KIAA1328: variants seen among roughly 807,000 people sequenced by gnomAD.
The protein encoded by KIAA1328 is KIAA1328.
In KIAA1328, 52 loss-of-function variants were observed where a neutral mutation model predicts 68.1. The ratio of observed to expected loss-of-function variants is 0.76; its 90% CI spans 0.61 to 0.96. The LOEUF is 0.96. KIAA1328 is among the 40% of genes least tolerant of loss of function. The probability of loss-of-function intolerance (pLI) is 0.00; values close to 1 mark genes in which losing one functional copy is unlikely to be tolerated. For missense variants in KIAA1328, 641 were observed against 677.6 expected (o/e 0.95, Z 0.60); for synonymous variants, 232 against 239.4 (o/e 0.97, Z 0.28).
intron 7 of KIAA1328, among the ~76,000 whole-genome samples, chr18:37,070,050 T>G (rs1387474975): frequency 6.6e-6 from 1 of 152,180 alleles, no homozygotes; most frequent in East Asian, 1.9e-4. Flanking sequence ...AGTGTGTTTT[T>G]GGGGTATCTT....
chr18:36,976,559 T>C (rs750954744), intron 6 of KIAA1328, among the ~76,000 whole-genome samples: 2 of 152,032 alleles, frequency 1.3e-5, no homozygotes, highest in East Asian at 3.9e-4. Context: ...ATGATAGATA[T>C]GTAGAGAGAA....
intron 7 of KIAA1328, among the ~76,000 whole-genome samples, chr18:37,131,280 C>T (rs1175448635): frequency 6.6e-6 from 1 of 152,188 alleles, no homozygotes; most frequent in Non-Finnish European, 1.5e-5. Context: ...TTTAGGGCCA[C>T]TGGAGATTCA....
intron 5 of KIAA1328, among the ~76,000 whole-genome samples, chr18:36,950,750 T>A (rs1308319062): frequency 6.6e-6 from 1 of 152,312 alleles, no homozygotes; most frequent in African/African-American, 2.4e-5. Flanking sequence ...GTGAAAATAT[T>A]TGGGTTCAGT....
intron 7 of KIAA1328, among the ~76,000 whole-genome samples, chr18:37,150,810 A>G (rs1358492455): frequency 6.6e-6 from 1 of 152,196 alleles, no homozygotes; most frequent in Non-Finnish European, 1.5e-5. Flanking sequence ...GTGCTTATTC[A>G]TTATAGGAAG....
At chr18:37,128,186 A>AG (rs1265692611) in intron 7 of KIAA1328, among the ~76,000 whole-genome samples, 1 of 152,214 alleles carries the variant, frequency 6.6e-6, no homozygotes, top group Non-Finnish European at 1.5e-5. Context: ...ATCACAACTT[A>AG]GGCTGGGCAT....
intron 9 of KIAA1328, 52 bp downstream of exon 9, chr18:37,173,133 T>C: frequency 7.5e-7 from 1 of 1,329,130 alleles, no homozygotes; most frequent in Non-Finnish European, 1.1e-6. Flanking sequence ...GAGAGCATTT[T>C]TTTGAAGTTT....
intron 7 of KIAA1328, among the ~76,000 whole-genome samples, chr18:37,139,604 C>T (rs1048220134): frequency 2.6e-5 from 4 of 152,134 alleles, no homozygotes; most frequent in Admixed American, 6.5e-5. Flanking sequence ...ACCAAGTAGA[C>T]GATTTTTGCT....
chr18:36,846,551 A>G (rs1442861418), intron 4 of KIAA1328, among the ~76,000 whole-genome samples: 1 of 151,492 alleles, frequency 6.6e-6, no homozygotes, highest in South Asian at 2.1e-4. Flanking sequence ...GATATACAAG[A>G]TTTCCTATTC....
intron 5 of KIAA1328, among the ~76,000 whole-genome samples, chr18:36,934,967 A>G (rs2050448245): frequency 6.6e-6 from 1 of 152,182 alleles, no homozygotes; most frequent in Non-Finnish European, 1.5e-5. Flanking sequence ...AATCACTGTG[A>G]TCTTAGACAC....
At chr18:37,161,906 C>T (rs935177239) in intron 8 of KIAA1328, among the ~76,000 whole-genome samples, 1 of 152,222 alleles carries the variant, frequency 6.6e-6, no homozygotes, top group African/African-American at 2.4e-5. Flanking sequence ...AGAAAGATAT[C>T]ATCAGGCCAG....
chr18:37,210,867 T>C (rs144809533), intron 9 of KIAA1328, among the ~76,000 whole-genome samples: 53 of 152,366 alleles, frequency 3.5e-4, no homozygotes, highest in Non-Finnish European at 6.6e-4. Flanking sequence ...TCCTTTAGTC[T>C]TTCCTGATAA....
In KIAA1328 at chr18:37,215,096, A is replaced by G. The variant is rs571142877; in HGVS notation, c.1524-6921A>G. Among the ~76,000 whole-genome samples, 12 of 152,204 alleles carry G rather than the reference A, an allele frequency of 7.9e-5. No individual in the cohort carries two copies. In the East Asian group the frequency reaches 2.3e-3, roughly 29 times the overall value. On this transcript the variant is annotated intron_variant, in intron 9 of 9. Transcript: ENST00000280020. ...AAATATACCATCATGTCATCTGCAA[A>G]CCTGGACAATTTGACTTCCTCTTTT...
intron 5 of KIAA1328, among the ~76,000 whole-genome samples, chr18:36,935,646 AC>A (rs2050472345): frequency 6.6e-6 from 1 of 152,096 alleles, no homozygotes; most frequent in Admixed American, 6.6e-5. Flanking sequence ...TCTTCATCAT[AC>A]AGACGTATTT....
At chr18:37,218,504 G>A (rs887710468) in intron 9 of KIAA1328, among the ~76,000 whole-genome samples, 6 of 152,182 alleles carry the variant, frequency 3.9e-5, no homozygotes, top group Non-Finnish European at 5.9e-5. Context: ...GACAAAAAAA[G>A]GAAAATTTAA....
chr18:37,061,569 G>A (rs1393310979), intron 6 of KIAA1328, among the ~76,000 whole-genome samples: 1 of 152,152 alleles, frequency 6.6e-6, no homozygotes, highest in African/African-American at 2.4e-5. Flanking sequence ...GTCAGAGGCA[G>A]CCATTTGGGA....
intron 1 of KIAA1328, among the ~76,000 whole-genome samples, chr18:36,832,123 A>G (rs1344934795): frequency 1.1e-4 from 17 of 152,162 alleles, no homozygotes; most frequent in Admixed American, 1.1e-3. Flanking sequence ...GAAATTCTAG[A>G]TTTGAAGGAG....
intron 7 of KIAA1328, among the ~76,000 whole-genome samples, chr18:37,138,988 G>A (rs371266927): frequency 1.6e-4 from 18 of 113,632 alleles, no homozygotes; most frequent in African/African-American, 6.0e-4. Context: ...ACGAAGTCTC[G>A]CTGTGTCGCC....
intron 5 of KIAA1328, among the ~76,000 whole-genome samples, chr18:36,905,537 T>A (rs2049188302): frequency 6.6e-6 from 1 of 152,192 alleles, no homozygotes; most frequent in Non-Finnish European, 1.5e-5. Flanking sequence ...TAGCTATGAA[T>A]TCATTGCTTT....
intron 6 of KIAA1328, among the ~76,000 whole-genome samples, chr18:37,005,545 A>C (rs1598950777): frequency 1.3e-5 from 2 of 152,226 alleles, no homozygotes; most frequent in Admixed American, 6.5e-5. Flanking sequence ...TAGTATGGTG[A>C]TTCCTCATAA....
Sources: allele counts gnomAD v4.1 joint callset (sites outside exome capture counted in the v4.1 genomes callset), GRCh38; gene constraint gnomAD v4.1.1; transcripts MANE v1.5; gene names NCBI Gene and HGNC (gene_info 2026-07-23, HGNC 2026-07-21).